Variants in NAPB observed in about 807,000 individuals in gnomAD.
NAPB encodes the protein NSF attachment protein beta.
Under a neutral mutation model 44.7 loss-of-function variants are expected in NAPB, and 26 were observed. That is an observed-to-expected ratio of 0.58 (90% CI 0.43 to 0.81). The LOEUF (loss-of-function observed/expected upper bound fraction) is 0.81, where lower values mean the gene tolerates loss of function less well. Ranked by LOEUF, NAPB falls within the 30% of genes least tolerant of loss-of-function variation. The pLI is 0.00. For synonymous variants in NAPB, 120 were observed against 116.8 expected (o/e 1.03, Z -0.18); for missense variants, 315 against 356.4 (o/e 0.88, Z 0.94).
chr20:23,417,017 C>CA (rs1017385299), intron 1 of NAPB, among the ~76,000 whole-genome samples: 1 of 151,936 alleles, frequency 6.6e-6, no homozygotes, highest in Admixed American at 6.6e-5. Context: ...TGTGTAAACT[C>CA]AGACTAAACA....
At position 23,376,266 on chromosome 20, in the gene NAPB, A is replaced by C. The variant is rs188591741; in HGVS notation, c.*1110T>G. The C allele has an allele frequency of 6.6e-6, 1 of 152,364 alleles. No homozygotes were observed. The highest frequency in any genetic ancestry group is 1.5e-5 in the Non-Finnish European group (1 of 68,040). The allele number at this position is 152,364 out of a possible 1,614,324, so 9.4% of individuals were successfully genotyped here. Reference sequence around the variant, plus strand: ...CAAGATAGCATACATATATTATATAAACCAATTAAACACGACAGAGTTCAA... The same window carrying C: ...CAAGATAGCATACATATATTATATACACCAATTAAACACGACAGAGTTCAA... On this transcript the variant is annotated 3_prime_UTR_variant, in exon 11 of 11. Transcript: ENST00000377026.
chr20:23,382,234 A>G (rs1163699895), intron 7 of NAPB, among the ~76,000 whole-genome samples: 2 of 152,244 alleles, frequency 1.3e-5, no homozygotes, highest in Non-Finnish European at 2.9e-5. Flanking sequence ...AGGTGTCAAC[A>G]GAGACCTGGT....
At chr20:23,379,231 C>G (rs1982802153) in intron 10 of NAPB, 3 of 454,180 alleles carry the variant, frequency 6.6e-6, no homozygotes, top group Non-Finnish European at 1.2e-5. Flanking sequence ...AGTCTCACAG[C>G]TAAATTAGTT....
At chr20:23,418,621 C>T (rs1270286314) in intron 1 of NAPB, among the ~76,000 whole-genome samples, 1 of 152,096 alleles carries the variant, frequency 6.6e-6, no homozygotes. Flanking sequence ...GGTTAAAGCT[C>T]TTTCAGATAT....
intron 1 of NAPB, among the ~76,000 whole-genome samples, chr20:23,411,369 C>A (rs531138920): frequency 6.6e-6 from 1 of 152,006 alleles, no homozygotes; most frequent in Non-Finnish European, 1.5e-5. Flanking sequence ...CAGCAATATA[C>A]GGAGCAAAAC....
chr20:23,384,319 T>C (rs1316233226), intron 7 of NAPB, among the ~76,000 whole-genome samples: 1 of 152,100 alleles, frequency 6.6e-6, no homozygotes, highest in Non-Finnish European at 1.5e-5. Context: ...CCTGGCACTT[T>C]GGGGGACCGA....
chr20:23,414,393 T>C (rs1462749497), intron 1 of NAPB, among the ~76,000 whole-genome samples: 1 of 152,156 alleles, frequency 6.6e-6, no homozygotes, highest in Non-Finnish European at 1.5e-5. Flanking sequence ...CCTGAGAGGT[T>C]TACTCCAGGA....
In NAPB at chr20:23,395,184, C is replaced by T. The variant is rs1314323416; in HGVS notation, c.297G>A (p.Glu99=). Reference sequence around the variant, plus strand: ...TGGCTGCATTTAAGCAGTTGATAGCCTCTGAAGCGTAGGCATTTAAGAAAA... The same window carrying T: ...TGGCTGCATTTAAGCAGTTGATAGCTTCTGAAGCGTAGGCATTTAAGAAAA... ...GNAYKKADPQ[E]AINCLNAAID... The change falls in exon 4 of 11, where the codon GAG becomes GAA. Residue 99 remains glutamate, a splice_region_variant and synonymous_variant. Coordinates refer to ENST00000377026, the MANE Select transcript of NAPB (RefSeq NM_022080.3). 6 of 1,614,006 alleles carry T rather than the reference C, an allele frequency of 3.7e-6. No homozygotes were observed. The Admixed American group carries it at 5.0e-5, about 13-fold the overall frequency.
chr20:23,381,232 A>T lies in NAPB; in HGVS notation c.647T>A (p.Val216Glu), dbSNP rs776672669. ...CCTTACCTTGGCATTCAACTCGTCT[A>T]CTATGAAGTGGCAGAGGGCAGCTTT... ...FFKAALCHFI[V>E]DELNAKLALE... The change falls in exon 8 of 11, where the codon GTA (valine) becomes GAA (glutamate). Residue 216 changes from valine (V) to glutamate (E), a missense_variant. Physicochemically the swap from Val to Glu is moderately radical, Grantham distance 121. Transcript: ENST00000377026. 1.2e-5 allele frequency: 20 copies of T among 1,613,414 alleles called. No homozygotes were observed. Among genetic ancestry groups the T allele is most frequent in the Non-Finnish European group, 1.6e-5 (19 of 1,179,496 alleles).
intron 2 of NAPB, 90 bp downstream of exon 2, chr20:23,402,903 T>C (rs554460213): frequency 3.1e-6 from 3 of 973,516 alleles, no homozygotes; most frequent in Non-Finnish European, 4.8e-6. Context: ...GGGCCAATAG[T>C]CTTGCTCTTC....
chr20:23,385,012 G>A (rs922586887), intron 7 of NAPB, among the ~76,000 whole-genome samples: 3 of 152,022 alleles, frequency 2.0e-5, no homozygotes, highest in Admixed American at 6.5e-5. Context: ...TCAGCTACTC[G>A]GGAGGCTGAG....
At chr20:23,417,920 G>A (rs1986116063) in intron 1 of NAPB, among the ~76,000 whole-genome samples, 1 of 152,086 alleles carries the variant, frequency 6.6e-6, no homozygotes, top group African/African-American at 2.4e-5. Flanking sequence ...AAATACATAT[G>A]CATATTTTCA....
chr20:23,391,305 C>CT (rs1210463121), intron 5 of NAPB, among the ~76,000 whole-genome samples: 1 of 152,114 alleles, frequency 6.6e-6, no homozygotes, highest in Non-Finnish European at 1.5e-5. Flanking sequence ...GAGTGAAACT[C>CT]TGTCTCAAAC....
chr20:23,392,281 T>A (rs1405611144), intron 5 of NAPB, among the ~76,000 whole-genome samples: 3 of 151,118 alleles, frequency 2.0e-5, no homozygotes, highest in African/African-American at 7.4e-5. Flanking sequence ...CAGAGAAATA[T>A]TTTCTTCCAG....
intron 2 of NAPB, among the ~76,000 whole-genome samples, chr20:23,400,253 T>G (rs12479936): frequency 6.6e-6 from 1 of 152,232 alleles, no homozygotes; most frequent in Non-Finnish European, 1.5e-5. Flanking sequence ...CCGGGCACAG[T>G]GGCTCATGCC....
At chr20:23,393,020 C>T (rs1000725035) in intron 5 of NAPB, among the ~76,000 whole-genome samples, 5 of 152,146 alleles carry the variant, frequency 3.3e-5, no homozygotes, top group Admixed American at 1.3e-4. Flanking sequence ...AGATGCTCTG[C>T]GCACAGTGCT....
chr20:23,417,083 C>CT (rs567478910), intron 1 of NAPB, among the ~76,000 whole-genome samples: 48,357 of 134,134 alleles, frequency 0.36, 9,012 homozygotes, highest in African/African-American at 0.44. Flanking sequence ...CACTGGCATT[C>CT]TTTTTTTTTT....
At chr20:23,419,769 G>C (rs1986256520) in intron 1 of NAPB, among the ~76,000 whole-genome samples, 1 of 152,226 alleles carries the variant, frequency 6.6e-6, no homozygotes, top group African/African-American at 2.4e-5. Flanking sequence ...TTAGAAACCA[G>C]CTGTGATAAA....
intron 1 of NAPB, among the ~76,000 whole-genome samples, chr20:23,403,777 T>C (rs1985033911): frequency 6.6e-6 from 1 of 152,126 alleles, no homozygotes; most frequent in Non-Finnish European, 1.5e-5. Context: ...AGATTAAATT[T>C]TGAAGGATAA....
Sources: allele counts gnomAD v4.1 joint callset (sites outside exome capture counted in the v4.1 genomes callset), GRCh38; gene constraint gnomAD v4.1.1; transcripts MANE v1.5; gene names NCBI Gene and HGNC (gene_info 2026-07-23, HGNC 2026-07-21).